The following CUX2 variants were observed in gnomAD, a reference collection of about 807,000 sequenced individuals.
CUX2 encodes cut like homeobox 2.
A neutral mutation model predicts 144.8 loss-of-function variants in CUX2; 40 were observed. The observed-to-expected ratio is 0.28, with a 90% CI of 0.21 to 0.36. The LOEUF (loss-of-function observed/expected upper bound fraction) is 0.36. Ranked by LOEUF, CUX2 falls within the 10% of genes least tolerant of loss-of-function variation. The probability of loss-of-function intolerance (pLI) is 1.00; values close to 1 mark genes in which losing one functional copy is unlikely to be tolerated. For synonymous variants in CUX2, 827 were observed against 875.6 expected, an observed-to-expected ratio of 0.94 and a Z score of 0.98; for missense variants, 1,615 against 1,994.0, an observed-to-expected ratio of 0.81 and a Z score of 3.62.
rs1482046185 is a variant in CUX2 at position 111,350,050 on chromosome 12, C to T, written c.*1725C>T. Reference sequence around the variant, plus strand: ...CACAAACCCTGAAGGAAAACCTTTTCCATACACCCAGGCTATGCATTGAAG... The same window carrying T: ...CACAAACCCTGAAGGAAAACCTTTTTCATACACCCAGGCTATGCATTGAAG... On this transcript the variant is annotated 3_prime_UTR_variant, in exon 22 of 22. Coordinates refer to ENST00000261726, the MANE Select transcript of CUX2 (RefSeq NM_015267.4). 2.6e-5 allele frequency: 4 copies of T among 152,612 alleles called. No homozygotes were observed. The highest frequency in any genetic ancestry group is 5.9e-5 in the Non-Finnish European group (4 of 68,054). 9.5% of individuals were successfully genotyped at this position (152,612 alleles called of 1,614,324 possible). A position where few individuals can be genotyped will look rare whatever the true frequency, so the allele number is the denominator to read the frequency against.
At chr12:111,127,117 C>T (rs942251983) in intron 1 of CUX2, among the ~76,000 whole-genome samples, 4 of 152,224 alleles carry the variant, frequency 2.6e-5, no homozygotes, top group African/African-American at 9.6e-5. Flanking sequence ...TCTTTATACA[C>T]ACACACACAA....
rs1345505620 is a variant in CUX2, at chr12:111,268,470, C to T, written c.301+4631C>T. ...TATCCTTTTGGGGCGGACGTTCAGC[C>T]AGTACACATGTGCCTGCTGCCTGGT... On this transcript the variant is annotated intron_variant, in intron 4 of 21. Transcript: ENST00000261726. Among the ~76,000 whole-genome samples the T allele has an allele frequency of 2.0e-5, 3 of 152,222 alleles. No homozygotes were observed. In the South Asian group the frequency reaches 6.2e-4, roughly 32 times the overall value.
In CUX2 at chr12:111,080,061, G is replaced by A. The variant is rs187596299; in HGVS notation, c.63+45821G>A. ...GGCCTCAATTTCTCATCTGTAAAAC[G>A]GGGATGATGATAATATCTGGCCTTC... On this transcript the variant is annotated intron_variant, in intron 1 of 21. Transcript: ENST00000261726. Among the ~76,000 whole-genome samples, 6 of 152,284 alleles carry A rather than the reference G, an allele frequency of 3.9e-5. No homozygotes were observed. In the East Asian group the frequency reaches 7.7e-4, roughly 20 times the overall value.
At chr12:111,244,456 G>A (rs1168626886) in intron 3 of CUX2, among the ~76,000 whole-genome samples, 1 of 152,212 alleles carries the variant, frequency 6.6e-6, no homozygotes, top group Non-Finnish European at 1.5e-5. Flanking sequence ...ATGAGCTTGG[G>A]TTCAATCCCA....
At chr12:111,196,989 T>C (rs1880280872) in intron 1 of CUX2, among the ~76,000 whole-genome samples, 1 of 152,116 alleles carries the variant, frequency 6.6e-6, no homozygotes, top group East Asian at 1.9e-4. Context: ...TGTGTCTAGA[T>C]GGTGCTCAGT....
At chr12:111,138,545 G>T (rs1040566181) in intron 1 of CUX2, among the ~76,000 whole-genome samples, 1 of 152,012 alleles carries the variant, frequency 6.6e-6, no homozygotes, top group African/African-American at 2.4e-5. Context: ...AGCCCCCAGG[G>T]TTCCCTCCTC....
intron 3 of CUX2, among the ~76,000 whole-genome samples, chr12:111,237,077 A>G (rs1211889852): frequency 6.6e-6 from 1 of 152,204 alleles, no homozygotes; most frequent in East Asian, 1.9e-4. Context: ...TGAGCCTGGG[A>G]GGCCAAGTTT....
At chr12:111,045,161 T>G (rs12099946) in intron 1 of CUX2, among the ~76,000 whole-genome samples, 1 of 152,184 alleles carries the variant, frequency 6.6e-6, no homozygotes. Flanking sequence ...CCAGCAGGCA[T>G]GAGAAAGCGG....
intron 1 of CUX2, among the ~76,000 whole-genome samples, chr12:111,045,505 G>C (rs1869954211): frequency 6.6e-6 from 1 of 152,246 alleles, no homozygotes; most frequent in Non-Finnish European, 1.5e-5. Context: ...GAAGTAGAAA[G>C]TGACAGCTCC....
chr12:111,079,123 A>T (rs963314217), intron 1 of CUX2, among the ~76,000 whole-genome samples: 1 of 152,196 alleles, frequency 6.6e-6, no homozygotes, highest in African/African-American at 2.4e-5. Context: ...TTCCCATCTC[A>T]CTGCCTTTTA....
At chr12:111,283,568 G>T (rs369105300) in intron 4 of CUX2, among the ~76,000 whole-genome samples, 6 of 152,256 alleles carry the variant, frequency 3.9e-5, no homozygotes, top group African/African-American at 1.2e-4. Context: ...CATGCCGTAG[G>T]TCCTTTTGTT....
chr12:111,062,335 T>C (rs899807103), intron 1 of CUX2, among the ~76,000 whole-genome samples: 2 of 152,248 alleles, frequency 1.3e-5, no homozygotes, highest in Non-Finnish European at 2.9e-5. Flanking sequence ...ACGAGCATTT[T>C]ATTGTGATTA....
intron 1 of CUX2, among the ~76,000 whole-genome samples, chr12:111,070,387 T>C (rs55640635): frequency 1.0e-5 from 1 of 98,520 alleles, no homozygotes; most frequent in Non-Finnish European, 1.9e-5. Context: ...CTTCCTTCCT[T>C]CCTTCTTTCC....
chr12:111,245,650 G>A (rs1883245022), intron 3 of CUX2, among the ~76,000 whole-genome samples: 1 of 152,042 alleles, frequency 6.6e-6, no homozygotes, highest in Admixed American at 6.6e-5. Flanking sequence ...GTATTCCTGG[G>A]AAAAAGAGAA....
intron 5 of CUX2, among the ~76,000 whole-genome samples, chr12:111,292,500 G>A (rs1885744014): frequency 6.6e-6 from 1 of 152,210 alleles, no homozygotes; most frequent in South Asian, 2.1e-4. Context: ...TTAGGCAGGA[G>A]AATTGCCTGA....
chr12:111,062,074 C>G (rs1026221533), intron 1 of CUX2, among the ~76,000 whole-genome samples: 3 of 152,194 alleles, frequency 2.0e-5, no homozygotes, highest in African/African-American at 7.2e-5. Context: ...AGTAAGTGCC[C>G]AATCCATGTT....
Position 111,320,491 on chromosome 12 carries a change from G to T in CUX2, c.2482G>T (p.Asp828Tyr). ...QPNGRAWPRG[D>Y]EAPVPPEDEA... Reference sequence around the variant, plus strand: ...CAACGGCCGCGCCTGGCCCCGCGGGGACGAGGCCCCTGTGCCCCCCGAGGA... The same window carrying T: ...CAACGGCCGCGCCTGGCCCCGCGGGTACGAGGCCCCTGTGCCCCCCGAGGA... The change falls in exon 17 of 22, where the codon GAC becomes TAC. Residue 828 changes from aspartate (D) to tyrosine (Y), a missense_variant. Coordinates refer to ENST00000261726, the MANE Select transcript of CUX2 (RefSeq NM_015267.4). This position sits in a 1 kb window ranked among gnomAD's most constrained non-coding sequence, Gnocchi z 8.1. 6.3e-7 allele frequency: 1 copy of T among 1,586,974 alleles called. No homozygotes were observed. The highest frequency in any genetic ancestry group is 8.5e-7 in the Non-Finnish European group (1 of 1,171,860).
At chr12:111,128,649 A>G (rs966806131) in intron 1 of CUX2, among the ~76,000 whole-genome samples, 1 of 152,212 alleles carries the variant, frequency 6.6e-6, no homozygotes, top group African/African-American at 2.4e-5. Context: ...TTGGGGGCCC[A>G]TGGTCAAGCA....
intron 1 of CUX2, among the ~76,000 whole-genome samples, chr12:111,053,191 G>C (rs1396944849): frequency 1.3e-5 from 2 of 152,214 alleles, no homozygotes; most frequent in Non-Finnish European, 2.9e-5. Context: ...GTACATGCAG[G>C]GCCCAGCACG....
Sources: allele counts gnomAD v4.1 joint callset (sites outside exome capture counted in the v4.1 genomes callset), GRCh38; gene constraint gnomAD v4.1.1; non-coding constraint Gnocchi (gnomAD v3.1); transcripts MANE v1.5; gene names NCBI Gene and HGNC (gene_info 2026-07-23, HGNC 2026-07-21).